Variants in RNF212B observed in about 807,000 individuals in gnomAD.
RNF212B encodes ring finger protein 212B, also known as E3 ubiquitin-protein ligase RNF212B.
A neutral mutation model predicts 55.5 loss-of-function variants in RNF212B; 52 were observed. The ratio of observed to expected loss-of-function variants is 0.94; its 90% CI spans 0.75 to 1.18. The LOEUF (loss-of-function observed/expected upper bound fraction) is 1.18, where lower values mean the gene tolerates loss of function less well. Ranked by LOEUF, RNF212B falls within the 50% of genes most tolerant of loss-of-function variation. RNF212B has a pLI of 0.00. For synonymous variants in RNF212B, 99 were observed against 121.4 expected, an observed-to-expected ratio of 0.82 and a Z score of 1.21; for missense variants, 289 against 350.4, an observed-to-expected ratio of 0.82 and a Z score of 1.40.
chr14:23,259,873 C>A lies in RNF212B; in HGVS notation c.345-11C>A. The A allele has an allele frequency of 6.7e-7, 1 of 1,487,740 alleles. No individual in the cohort carries two copies. Among genetic ancestry groups the A allele is most frequent in the Non-Finnish European group, 9.0e-7 (1 of 1,113,154 alleles). 92.2% of individuals were successfully genotyped at this position (1,487,740 alleles called of 1,614,324 possible). ...ATTTGCTGGAGCTGATTGTTTCCAT[C>A]TTTTGCCTAGAGAATTGTCAGTCTT... On this transcript the variant is annotated splice_polypyrimidine_tract_variant and intron_variant, in intron 5 of 14. Transcript: ENST00000430154.
chr14:23,250,243 G>A (rs1397823133), intron 4 of RNF212B, among the ~76,000 whole-genome samples: 2 of 152,144 alleles, frequency 1.3e-5, no homozygotes, highest in Non-Finnish European at 2.9e-5. Flanking sequence ...ACTTTTGGAG[G>A]CTGAGGGGGT....
At chr14:23,268,277 C>T (rs1000177844) in intron 11 of RNF212B, among the ~76,000 whole-genome samples, 1 of 152,156 alleles carries the variant, frequency 6.6e-6, no homozygotes, top group African/African-American at 2.4e-5. Context: ...AACCCTGTTC[C>T]ATCCCCTCTA....
intron 2 of RNF212B, among the ~76,000 whole-genome samples, chr14:23,220,454 C>T (rs1026004838): frequency 2.0e-5 from 3 of 152,022 alleles, no homozygotes; most frequent in Non-Finnish European, 4.4e-5. Context: ...ATTATTGGAA[C>T]CCAGGAGATG....
At chr14:23,269,991 A>C in intron 13 of RNF212B, 31 bp downstream of exon 13, 1 of 1,150,322 alleles carries the variant, frequency 8.7e-7, no homozygotes, top group Non-Finnish European at 1.3e-6. Flanking sequence ...AAAGGAATGG[A>C]GCTTCAACTA....
intron 7 of RNF212B, 67 bp downstream of exon 7, chr14:23,260,754 C>A: frequency 7.5e-7 from 1 of 1,336,914 alleles, no homozygotes; most frequent in Non-Finnish European, 1.0e-6. Context: ...TGACTCCTGG[C>A]TGTGTGAACT....
In RNF212B at chr14:23,263,753, C is replaced by CA. The variant is rs921276265; in HGVS notation, c.525-413dup. Among the ~76,000 whole-genome samples, 28 of 151,796 alleles carry CA rather than the reference C, an allele frequency of 1.8e-4. No individual in the cohort carries two copies. In the East Asian group the frequency reaches 2.5e-3, roughly 14 times the overall value. ...TATTAGTGACATGTGCCCCTTCCCC[C>CA]AAAAAAAACGAGTGTTCTGTGTGCT... On this transcript the variant is annotated intron_variant, in intron 9 of 14. Coordinates refer to ENST00000430154, the MANE Select transcript of RNF212B (RefSeq NM_001282322.3).
At chr14:23,204,052 C>T (rs1157221126) in intron 2 of RNF212B, among the ~76,000 whole-genome samples, 1 of 152,052 alleles carries the variant, frequency 6.6e-6, no homozygotes, top group Non-Finnish European at 1.5e-5. Context: ...TGTCCTTAGC[C>T]CACTTTTTGA....
chr14:23,252,514 C>A (rs1252787756), intron 4 of RNF212B, among the ~76,000 whole-genome samples: 5 of 152,138 alleles, frequency 3.3e-5, no homozygotes, highest in Non-Finnish European at 5.9e-5. Context: ...CACCAAGACA[C>A]TGGGTTGCAG....
intron 4 of RNF212B, among the ~76,000 whole-genome samples, chr14:23,253,289 G>A (rs763076763): frequency 1.6e-4 from 24 of 152,058 alleles, no homozygotes; most frequent in Non-Finnish European, 3.4e-4. Flanking sequence ...TTTGAATTGA[G>A]TTTCAATAAA....
At chr14:23,271,926 T>C (rs1422888759) in intron 14 of RNF212B, among the ~76,000 whole-genome samples, 3 of 152,214 alleles carry the variant, frequency 2.0e-5, no homozygotes, top group African/African-American at 7.2e-5. Flanking sequence ...CGTAGTTATG[T>C]TTTTAAAAAT....
intron 7 of RNF212B, 87 bp downstream of exon 7, chr14:23,260,774 A>G: frequency 4.2e-6 from 5 of 1,198,396 alleles, no homozygotes; most frequent in Non-Finnish European, 6.0e-6. Context: ...TCTGAGAGAG[A>G]GAAAATGGTT....
At chr14:23,232,296 C>A (rs1256551279) in intron 2 of RNF212B, among the ~76,000 whole-genome samples, 2 of 151,630 alleles carry the variant, frequency 1.3e-5, no homozygotes, top group African/African-American at 4.8e-5. Flanking sequence ...CCGGCCGCAA[C>A]CCCATCTGGG....
intron 9 of RNF212B, 53 bp downstream of exon 9, chr14:23,263,023 A>T: frequency 1.4e-6 from 2 of 1,446,182 alleles, no homozygotes; most frequent in South Asian, 2.4e-5. Context: ...AAGATAGAAG[A>T]AATATCTAGT....
At position 23,232,675 on chromosome 14, in the gene RNF212B, G is replaced by A. The variant is rs540008552; in HGVS notation, c.-1-7670G>A. On this transcript the variant is annotated intron_variant, in intron 2 of 15. Coordinates refer to the RNF212B transcript ENST00000399910. The stretch of plus-strand genomic sequence containing the variant: ...CAGCCCCCACCAGGCCAGCCGCCCC[G>A]TCTGGGAGGGAGGTGGGGGGTCAGC... 2.7e-3 allele frequency among the ~76,000 whole-genome samples: 406 copies of A among 148,300 alleles called. 1 individual carries two copies. Among genetic ancestry groups the A allele is most frequent in the Middle Eastern group, 0.015 (4 of 270 alleles).
chr14:23,266,404 G>GTTTTT (rs57731750), intron 11 of RNF212B, among the ~76,000 whole-genome samples: 588 of 46,660 alleles, frequency 0.013, 35 homozygotes, highest in African/African-American at 0.024. Flanking sequence ...CCTTTTAAAT[G>GTTTTT]TTTTTTTTTT....
At chr14:23,229,220 T>TTATAAATATATATATA (rs1882311819) in intron 2 of RNF212B, among the ~76,000 whole-genome samples, 1 of 65,036 alleles carries the variant, frequency 1.5e-5, no homozygotes, top group Non-Finnish European at 3.0e-5. Context: ...GAATAATATT[T>TTATAAATATATATATA]TATATATATA....
At chr14:23,224,639 CT>C in intron 2 of RNF212B, among the ~76,000 whole-genome samples, 3 of 152,194 alleles carry the variant, frequency 2.0e-5, no homozygotes, top group Non-Finnish European at 4.4e-5. Flanking sequence ...AGACCTCAAA[CT>C]ATGAAACTAC....
chr14:23,189,007 G>T (rs912448413), intron 1 of RNF212B, among the ~76,000 whole-genome samples: 10 of 152,058 alleles, frequency 6.6e-5, no homozygotes, highest in Non-Finnish European at 1.5e-4. Flanking sequence ...GCCTGTACAG[G>T]GGCTGGAACA....
At chr14:23,239,976 A>G (rs9671711) in intron 1 of RNF212B, among the ~76,000 whole-genome samples, 1 of 149,156 alleles carries the variant, frequency 6.7e-6, no homozygotes, top group Non-Finnish European at 1.5e-5. Flanking sequence ...AACCTGGGGG[A>G]AAAAAAAGTA....
Sources: gnomAD v4.1 joint callset for allele counts (sites outside exome capture counted in the v4.1 genomes callset) on GRCh38, gnomAD v4.1.1 for gene constraint, MANE v1.5 for transcripts, NCBI Gene and HGNC (gene_info 2026-07-23, HGNC 2026-07-21) for gene names.